The following RAD51B variants were observed in gnomAD, a reference collection of about 807,000 sequenced individuals.
RAD51B encodes the protein DNA repair protein RAD51 homolog 2.
A neutral mutation model predicts 42.2 loss-of-function variants in RAD51B; 38 were observed. That is an observed-to-expected ratio of 0.90 (90% CI 0.70 to 1.18). RAD51B has a LOEUF of 1.18. RAD51B is among the 50% of genes most tolerant of loss of function. The pLI is 0.00. For missense variants in RAD51B, 373 were observed against 400.7 expected (o/e 0.93, Z 0.59); for synonymous variants, 154 against 145.2 (o/e 1.06, Z -0.43).
chr14:67,931,659 C>T (rs1351839376), intron 7 of RAD51B, among the ~76,000 whole-genome samples: 4 of 151,908 alleles, frequency 2.6e-5, no homozygotes, highest in Admixed American at 1.3e-4. Context: ...CCCACCACCA[C>T]GCCTGGCTAA....
chr14:67,932,447 G>A (rs1466857082), intron 7 of RAD51B, among the ~76,000 whole-genome samples: 3 of 152,180 alleles, frequency 2.0e-5, no homozygotes, highest in Admixed American at 2.0e-4. Context: ...GGTGGTAGCG[G>A]TGGGCTGATC....
intron 7 of RAD51B, among the ~76,000 whole-genome samples, chr14:68,004,752 C>T (rs1425689068): frequency 6.6e-6 from 1 of 152,154 alleles, no homozygotes; most frequent in Admixed American, 6.5e-5. Context: ...ACTGTGTGCC[C>T]TTTCAGCCAC....
intron 8 of RAD51B, among the ~76,000 whole-genome samples, chr14:68,407,423 AT>A (rs1488938317): frequency 6.6e-6 from 1 of 152,214 alleles, no homozygotes; most frequent in Non-Finnish European, 1.5e-5. Context: ...TAGTAGGTTT[AT>A]TTACCCTGCA....
At chr14:68,525,204 G>A (rs1209434950) in intron 10 of RAD51B, among the ~76,000 whole-genome samples, 6 of 152,218 alleles carry the variant, frequency 3.9e-5, no homozygotes, top group Non-Finnish European at 8.8e-5. Context: ...GCCATAAGCC[G>A]AGGACTGAGG....
rs143346542 is a variant in RAD51B at position 68,526,309 on chromosome 14, A to G, written c.1036+58059A>G. On this transcript the variant is annotated intron_variant, in intron 10 of 10. Transcript: ENST00000487270. ...AATGTTTTGGTCAACAACTGACCAC[A>G]TACAGGACTATATAGCCTAGGTGTG... Among the ~76,000 whole-genome samples, 28 of 152,364 alleles carry G rather than the reference A, an allele frequency of 1.8e-4. 1 individual carries two copies. In the East Asian group the frequency reaches 5.4e-3, roughly 29 times the overall value.
intron 7 of RAD51B, among the ~76,000 whole-genome samples, chr14:68,216,637 G>T (rs1316176591): frequency 6.6e-6 from 1 of 152,140 alleles, no homozygotes; most frequent in Non-Finnish European, 1.5e-5. Context: ...TATTATCCCA[G>T]TGGTTCCTTT....
intron 10 of RAD51B, chr14:68,468,670 T>C: frequency 3.0e-6 from 1 of 328,420 alleles, no homozygotes; most frequent in South Asian, 2.5e-5. Context: ...TGGCAGCCTC[T>C]GGGGCACAAT....
rs139662234 is a variant in RAD51B, at chr14:67,983,282, T to C, written c.756+96078T>C. Reference sequence around the variant, plus strand: ...TTAATTTATCATTATGTAAGTAAGCTCAAATCTCATTGGTCTCTTTATATA... The same window carrying C: ...TTAATTTATCATTATGTAAGTAAGCCCAAATCTCATTGGTCTCTTTATATA... On this transcript the variant is annotated intron_variant, in intron 7 of 10. Coordinates refer to ENST00000471583, the MANE Select transcript of RAD51B (RefSeq NM_133510.4). Among the ~76,000 whole-genome samples the C allele has an allele frequency of 2.9e-3, 440 of 152,160 alleles. 3 individuals carry two copies. Among genetic ancestry groups the C allele is most frequent in the South Asian group, 5.8e-3 (28 of 4,814 alleles).
chr14:68,634,761 G>A (rs188429875), intron 10 of RAD51B, among the ~76,000 whole-genome samples: 3 of 152,332 alleles, frequency 2.0e-5, no homozygotes, highest in African/African-American at 2.4e-5. Flanking sequence ...CCCCAACTCC[G>A]TAGGCCTGGG....
At chr14:68,351,390 C>G (rs1356647663) in intron 8 of RAD51B, among the ~76,000 whole-genome samples, 1 of 151,970 alleles carries the variant, frequency 6.6e-6, no homozygotes, top group South Asian at 2.1e-4. Context: ...CCTTTTTTCC[C>G]TTTATTCTTT....
chr14:68,140,652 G>A (rs552572590), intron 7 of RAD51B, among the ~76,000 whole-genome samples: 1 of 152,206 alleles, frequency 6.6e-6, no homozygotes, highest in Non-Finnish European at 1.5e-5. Context: ...TCACTTTCAA[G>A]GTTCACTAAT....
chr14:68,473,604 T>C (rs1882282912), intron 10 of RAD51B, among the ~76,000 whole-genome samples: 1 of 152,014 alleles, frequency 6.6e-6, no homozygotes, highest in Admixed American at 6.5e-5. Flanking sequence ...TATTTTATAA[T>C]ATATGAAAAA....
intron 8 of RAD51B, among the ~76,000 whole-genome samples, chr14:68,324,113 ATTTAT>A (rs369161209): frequency 9.6e-4 from 146 of 152,330 alleles, no homozygotes; most frequent in African/African-American, 3.4e-3. Flanking sequence ...ACATGCTATA[ATTTAT>A]TTTATAAGTG....
chr14:68,628,341 G>C (rs551254831), intron 10 of RAD51B: 1 of 152,288 alleles, frequency 6.6e-6, no homozygotes, highest in Admixed American at 6.5e-5. Flanking sequence ...TTAACGCAGC[G>C]CCCCGCTTAC....
At position 68,308,588 on chromosome 14, in the gene RAD51B, AAC is replaced by A. The variant is rs142826581; in HGVS notation, c.853+16610_853+16611del. On this transcript the variant is annotated intron_variant, in intron 8 of 10. Transcript: ENST00000471583. ...TTGGTGTTTATAAAATTATTTAAGA[AAC>A]AAAACTTTCTAGAGGAGGCTGAATC... 8.1e-3 allele frequency among the ~76,000 whole-genome samples: 1,226 copies of A among 152,212 alleles called. 12 individuals carry two copies. The highest frequency in any genetic ancestry group is 0.029 in the African/African-American group (1,189 of 41,520).
intron 10 of RAD51B, among the ~76,000 whole-genome samples, chr14:68,591,759 G>C (rs1448630888): frequency 1.3e-5 from 2 of 152,170 alleles, no homozygotes; most frequent in African/African-American, 4.8e-5. Flanking sequence ...ACCATGTGGT[G>C]CTCTGGCAGG....
intron 4 of RAD51B, among the ~76,000 whole-genome samples, chr14:67,860,762 A>G (rs1249132850): frequency 6.6e-6 from 1 of 152,232 alleles, no homozygotes; most frequent in Non-Finnish European, 1.5e-5. Flanking sequence ...AGTGGTGGGT[A>G]TATGGATGGT....
intron 8 of RAD51B, among the ~76,000 whole-genome samples, chr14:68,302,280 C>CTA (rs1406982377): frequency 6.6e-6 from 1 of 152,164 alleles, no homozygotes; most frequent in African/African-American, 2.4e-5. Flanking sequence ...AGGGCTGTGG[C>CTA]TATGACGGAC....
intron 8 of RAD51B, among the ~76,000 whole-genome samples, chr14:68,347,957 A>G (rs2082707681): frequency 6.6e-6 from 1 of 152,202 alleles, no homozygotes; most frequent in Admixed American, 6.5e-5. Context: ...AATTTGCTGA[A>G]TATTCCATGT....
Sources: gnomAD v4.1 joint callset for allele counts (sites outside exome capture counted in the v4.1 genomes callset) on GRCh38, gnomAD v4.1.1 for gene constraint, MANE v1.5 for transcripts, NCBI Gene and HGNC (gene_info 2026-07-23, HGNC 2026-07-21) for gene names.